DACH1: variants seen among roughly 807,000 people sequenced by gnomAD.
DACH1 encodes dachshund family transcription factor 1.
In DACH1, 12 loss-of-function variants were observed where a neutral mutation model predicts 54.2. That is an observed-to-expected ratio of 0.22 (90% CI 0.14 to 0.36). The LOEUF (loss-of-function observed/expected upper bound fraction) is 0.36. Among genes scored for constraint, DACH1 ranks in the 10% least tolerant of loss-of-function variants. DACH1 has a pLI of 1.00. For missense variants in DACH1, 805 were observed against 929.8 expected (o/e 0.87, Z 1.75); for synonymous variants, 386 against 366.2 (o/e 1.05, Z -0.62).
intron 1 of DACH1, among the ~76,000 whole-genome samples, chr13:71,769,639 C>A (rs1370140872): frequency 1.3e-5 from 2 of 151,652 alleles, no homozygotes; most frequent in African/African-American, 2.4e-5. Context: ...AAGTTATCAG[C>A]ATACCAAGAT....
Position 71,440,414 on chromosome 13 carries a change from T to TAA in DACH1, c.*239_*240dup. On this transcript the variant is annotated 3_prime_UTR_variant, in exon 11 of 11. Coordinates refer to ENST00000613252, the MANE Select transcript of DACH1 (RefSeq NM_080759.6). ...AGCAGCAAGTTGCAGTAATTAACTGTAAGAACTTTGATACTTGTACATTTA... is the reference window on the plus strand; with the variant it reads ...AGCAGCAAGTTGCAGTAATTAACTGTAAAAGAACTTTGATACTTGTACATTTA... 2.3e-6 allele frequency: 1 copy of TAA among 431,310 alleles called. No individual in the cohort carries two copies. The allele number at this position is 431,310 out of a possible 1,614,324, so 26.7% of individuals were successfully genotyped here. A position where few individuals can be genotyped will look rare whatever the true frequency, so the allele number is the denominator to read the frequency against.
At chr13:71,673,068 T>C (rs938486381) in intron 2 of DACH1, among the ~76,000 whole-genome samples, 36 of 152,264 alleles carry the variant, frequency 2.4e-4, no homozygotes, top group African/African-American at 8.4e-4. Flanking sequence ...TAATTCTTAG[T>C]GCAGACCAGT....
intron 6 of DACH1, among the ~76,000 whole-genome samples, chr13:71,551,523 C>G (rs184424772): frequency 6.6e-6 from 1 of 152,212 alleles, no homozygotes; most frequent in Non-Finnish European, 1.5e-5. Context: ...TTTTGTAGTT[C>G]CCATGTATGT....
rs562778313 is a variant in DACH1 at position 71,632,192 on chromosome 13, C to T, written c.965-1475G>A. ...AGATCTCGGAAGATCAGAATTAAGA[C>T]CATGCTGTTCTGACTTTATATATTT... On this transcript the variant is annotated intron_variant, in intron 2 of 10. Coordinates refer to ENST00000613252, the MANE Select transcript of DACH1 (RefSeq NM_080759.6). Among the ~76,000 whole-genome samples the T allele has an allele frequency of 3.3e-5, 5 of 151,958 alleles. No homozygotes were observed. The East Asian group carries it at 5.8e-4, about 18-fold the overall frequency.
At chr13:71,549,531 G>T (rs9542718) in intron 6 of DACH1, among the ~76,000 whole-genome samples, 2,553 of 152,136 alleles carry the variant, frequency 0.017, 38 homozygotes, top group South Asian at 0.03. Flanking sequence ...ATTATCAGTA[G>T]ATATTAACGT....
At chr13:71,779,497 A>G (rs1013998636) in intron 1 of DACH1, among the ~76,000 whole-genome samples, 2 of 151,508 alleles carry the variant, frequency 1.3e-5, no homozygotes, top group Non-Finnish European at 2.9e-5. Context: ...AGTAAGACAC[A>G]TTAATTTCTC....
At chr13:71,764,641 C>A (rs955309647) in intron 1 of DACH1, among the ~76,000 whole-genome samples, 2 of 152,036 alleles carry the variant, frequency 1.3e-5, no homozygotes, top group African/African-American at 4.8e-5. Flanking sequence ...GTTTTCACTC[C>A]CCATATCTAA....
At chr13:71,819,313 A>T (rs796899087) in intron 1 of DACH1, among the ~76,000 whole-genome samples, 6 of 152,334 alleles carry the variant, frequency 3.9e-5, no homozygotes, top group African/African-American at 1.4e-4. Flanking sequence ...ACACATCCAG[A>T]AGCTACAGGG....
intron 1 of DACH1, among the ~76,000 whole-genome samples, chr13:71,755,180 T>C (rs1256905024): frequency 1.3e-5 from 2 of 152,208 alleles, no homozygotes; most frequent in Non-Finnish European, 2.9e-5. Flanking sequence ...TAATTTTTTA[T>C]AGCAGACCTC....
At chr13:71,833,330 T>C (rs1888664040) in intron 1 of DACH1, among the ~76,000 whole-genome samples, 2 of 152,012 alleles carry the variant, frequency 1.3e-5, no homozygotes, top group South Asian at 4.1e-4. Context: ...TTCATCCTTT[T>C]TATTTTGTTT....
At chr13:71,725,265 C>T (rs73523481) in intron 1 of DACH1, among the ~76,000 whole-genome samples, 3,263 of 152,078 alleles carry the variant, frequency 0.021, 88 homozygotes, top group African/African-American at 0.061. Context: ...AATGTAGCCT[C>T]TAAGAAAATG....
intron 1 of DACH1, among the ~76,000 whole-genome samples, chr13:71,747,724 T>C (rs1924381): frequency 0.62 from 94,726 of 152,112 alleles, 36,808 homozygotes; most frequent in Non-Finnish European, 0.87. Flanking sequence ...GGAGCTACAT[T>C]TACCTTGAGA....
intron 1 of DACH1, among the ~76,000 whole-genome samples, chr13:71,720,189 G>T (rs754597347): frequency 5.9e-5 from 9 of 152,140 alleles, no homozygotes; most frequent in Admixed American, 1.3e-4. Flanking sequence ...AGTGCAAAAG[G>T]CCTAAGTCTG....
At chr13:71,483,572 A>G (rs1878243017) in intron 7 of DACH1, among the ~76,000 whole-genome samples, 3 of 147,778 alleles carry the variant, frequency 2.0e-5, no homozygotes, top group African/African-American at 7.4e-5. Context: ...TTATAATTAA[A>G]ATTATATATT....
chr13:71,471,424 T>G (rs1441391174), intron 10 of DACH1, among the ~76,000 whole-genome samples: 2 of 151,792 alleles, frequency 1.3e-5, no homozygotes, highest in African/African-American at 2.4e-5. Flanking sequence ...GATGTCTGAG[T>G]GGATTGGAAA....
At chr13:71,622,389 A>G (rs1184398283) in intron 3 of DACH1, among the ~76,000 whole-genome samples, 2 of 152,042 alleles carry the variant, frequency 1.3e-5, no homozygotes, top group African/African-American at 4.8e-5. Flanking sequence ...ATTTAAAAAT[A>G]TGTATTAGCA....
At chr13:71,573,517 G>A in intron 3 of DACH1, 1 of 686,280 alleles carries the variant, frequency 1.5e-6, no homozygotes. Flanking sequence ...GAGGCCTGAG[G>A]TCCCTGGGAT....
At chr13:71,802,059 A>G (rs550300083) in intron 1 of DACH1, among the ~76,000 whole-genome samples, 11 of 152,154 alleles carry the variant, frequency 7.2e-5, no homozygotes, top group South Asian at 6.2e-4. Flanking sequence ...AGAGATTTCA[A>G]TTTCTAGGAA....
At chr13:71,798,490 A>G (rs1887158152) in intron 1 of DACH1, among the ~76,000 whole-genome samples, 1 of 151,680 alleles carries the variant, frequency 6.6e-6, no homozygotes, top group Non-Finnish European at 1.5e-5. Context: ...CCATCTTCAG[A>G]TCCTAATAGA....
Sources: allele counts gnomAD v4.1 joint callset (sites outside exome capture counted in the v4.1 genomes callset), GRCh38; gene constraint gnomAD v4.1.1; transcripts MANE v1.5; gene names NCBI Gene and HGNC (gene_info 2026-07-23, HGNC 2026-07-21).